The following PDILT variants were observed in gnomAD, a reference collection of about 807,000 sequenced individuals.
The protein encoded by PDILT is protein disulfide isomerase like, testis expressed.
PDILT carries 43 observed loss-of-function variants against 53.7 expected under a neutral mutation model. The ratio of observed to expected loss-of-function variants is 0.80; its 90% CI spans 0.63 to 1.03. PDILT has a LOEUF of 1.03. Among genes scored for constraint, PDILT ranks in the 50% least tolerant of loss-of-function variants. PDILT has a pLI of 0.00. For synonymous variants in PDILT, 282 were observed against 274.2 expected, an observed-to-expected ratio of 1.03 and a Z score of -0.28; for missense variants, 727 against 712.3, an observed-to-expected ratio of 1.02 and a Z score of -0.24.
chr16:20,395,397 C>CT (rs1187768160), intron 2 of PDILT, among the ~76,000 whole-genome samples: 1 of 152,134 alleles, frequency 6.6e-6, no homozygotes. Flanking sequence ...TTGCCCATCC[C>CT]TTTTTATTTC....
In PDILT at chr16:20,390,417, C is replaced by A. The variant is rs372532686; in HGVS notation, c.203-5566G>T. The stretch of plus-strand genomic sequence containing the variant: ...AAATCTGCATGGATCACTGCCTCAC[C>A]ACCTTAAGATCTTTGCTAAAGTGTT... On this transcript the variant is annotated intron_variant, in intron 2 of 11. Transcript: ENST00000302451. Among the ~76,000 whole-genome samples, 10 of 152,276 alleles carry A rather than the reference C, an allele frequency of 6.6e-5. No homozygotes were observed. In the East Asian group the frequency reaches 1.2e-3, roughly 18 times the overall value.
chr16:20,399,153 G>A lies in PDILT; in HGVS notation c.148C>T (p.Pro50Ser), dbSNP rs755465321. 3 of 1,614,194 alleles carry A rather than the reference G, an allele frequency of 1.9e-6. No homozygotes were observed. Among genetic ancestry groups the A allele is most frequent in the Admixed American group, 1.7e-5 (1 of 60,026 alleles). The change falls in exon 2 of 12, where the codon CCC becomes TCC. Residue 50 changes from proline (P) to serine (S), a missense_variant. Transcript: ENST00000302451. Reference protein sequence around the residue: ...LEERSLLVLTPAGLTQMLNQT... With the variant: ...LEERSLLVLTSAGLTQMLNQT... ...TTCAGCATCTGGGTCAGGCCAGCGG[G>A]CGTTAGCACTAGGAGACTGCGTTCC... is the stretch of plus-strand genomic sequence containing the variant.
intron 2 of PDILT, among the ~76,000 whole-genome samples, chr16:20,391,646 C>T (rs1322530197): frequency 2.0e-5 from 3 of 152,052 alleles, no homozygotes; most frequent in Non-Finnish European, 4.4e-5. Context: ...GGAAGCCTAC[C>T]ATGCTCCAAG....
chr16:20,397,210 G>A (rs534016314), intron 2 of PDILT, among the ~76,000 whole-genome samples: 1 of 152,002 alleles, frequency 6.6e-6, no homozygotes, highest in African/African-American at 2.4e-5. Flanking sequence ...ATCACGGGTC[G>A]CTGCAGTCTT....
chr16:20,391,373 T>G (rs1182950739), intron 2 of PDILT, among the ~76,000 whole-genome samples: 1 of 152,086 alleles, frequency 6.6e-6, no homozygotes, highest in Non-Finnish European at 1.5e-5. Flanking sequence ...CATCATCATC[T>G]TCATCATTAT....
chr16:20,360,724 C>A, intron 10 of PDILT, 67 bp from the exon 11 acceptor site: 1 of 1,197,768 alleles, frequency 8.3e-7, no homozygotes, highest in East Asian at 2.3e-5. Context: ...AGGATTGCTA[C>A]CTAGGTAAAC....
At chr16:20,395,639 G>C (rs1049046862) in intron 2 of PDILT, among the ~76,000 whole-genome samples, 8 of 152,204 alleles carry the variant, frequency 5.3e-5, no homozygotes, top group Non-Finnish European at 1.2e-4. Flanking sequence ...TAAATGTCAT[G>C]TTGAAATTTG....
intron 2 of PDILT, among the ~76,000 whole-genome samples, chr16:20,390,001 C>T (rs1289159288): frequency 6.6e-6 from 1 of 152,062 alleles, no homozygotes; most frequent in East Asian, 1.9e-4. Flanking sequence ...CAGGACAGCC[C>T]CCAGCCCCAC....
intron 3 of PDILT, among the ~76,000 whole-genome samples, chr16:20,378,346 T>G (rs1159792698): frequency 6.6e-6 from 1 of 152,146 alleles, no homozygotes; most frequent in Non-Finnish European, 1.5e-5. Context: ...CAGCCTCTAC[T>G]CCCCTCAATC....
intron 9 of PDILT, among the ~76,000 whole-genome samples, chr16:20,362,974 AG>A (rs1302806830): frequency 7.0e-6 from 1 of 143,122 alleles, no homozygotes; most frequent in Non-Finnish European, 1.5e-5. Flanking sequence ...CGGTAGGCTG[AG>A]GTAGGAGAAT....
chr16:20,384,448 C>T (rs370211376), intron 3 of PDILT, among the ~76,000 whole-genome samples, 197 bp downstream of exon 3: 2 of 152,250 alleles, frequency 1.3e-5, no homozygotes, highest in African/African-American at 2.4e-5. Context: ...TGACCTTCTA[C>T]CCCTTACCCC....
At chr16:20,369,772 T>G in intron 7 of PDILT, 83 bp from the exon 8 acceptor site, 3 of 1,381,260 alleles carry the variant, frequency 2.2e-6, no homozygotes, top group Non-Finnish European at 3.1e-6. Flanking sequence ...ACTAAGGGGA[T>G]GCACATGGTG....
chr16:20,365,571 C>A (rs771388093), intron 8 of PDILT, 31 bp from the exon 9 acceptor site: 1 of 1,610,320 alleles, frequency 6.2e-7, no homozygotes, highest in Non-Finnish European at 8.5e-7. Context: ...GCCTAAGAGT[C>A]TTCATAAAGG....
chr16:20,367,579 G>A (rs576269830), intron 8 of PDILT, among the ~76,000 whole-genome samples: 5 of 152,120 alleles, frequency 3.3e-5, no homozygotes, highest in Admixed American at 6.5e-5. Context: ...CGAGGGAGAC[G>A]GACACCACCT....
intron 3 of PDILT, among the ~76,000 whole-genome samples, chr16:20,381,634 CAAAAAA>C (rs1034720000): frequency 1.7e-5 from 1 of 58,592 alleles, no homozygotes; most frequent in East Asian, 6.1e-4. Flanking sequence ...GACTCCATCT[CAAAAAA>C]AAAAAAAAAA....
intron 5 of PDILT, among the ~76,000 whole-genome samples, chr16:20,373,903 A>T (rs77484914): frequency 0.019 from 2,953 of 152,156 alleles, 96 homozygotes; most frequent in African/African-American, 0.069. Context: ...TAAGCTCTTC[A>T]ATTTAACTTG....
intron 3 of PDILT, 101 bp from the exon 4 acceptor site, chr16:20,376,302 T>A: frequency 7.0e-7 from 1 of 1,434,300 alleles, no homozygotes; most frequent in Non-Finnish European, 9.4e-7. Context: ...CCTTCTTGTC[T>A]CAGGCTCCCA....
chr16:20,395,449 T>A (rs537302244), intron 2 of PDILT, among the ~76,000 whole-genome samples: 2 of 152,332 alleles, frequency 1.3e-5, no homozygotes, highest in East Asian at 3.9e-4. Context: ...ATAGCAGCCA[T>A]CTTGTGACCA....
chr16:20,362,776 G>T (rs1333055724), intron 9 of PDILT, among the ~76,000 whole-genome samples, 194 bp from the exon 10 acceptor site: 1 of 151,552 alleles, frequency 6.6e-6, no homozygotes, highest in Non-Finnish European at 1.5e-5. Context: ...CGATAAATTA[G>T]AAAAAAAATA....
Sources: gnomAD v4.1 joint callset for allele counts (sites outside exome capture counted in the v4.1 genomes callset) on GRCh38, gnomAD v4.1.1 for gene constraint, MANE v1.5 for transcripts, NCBI Gene and HGNC (gene_info 2026-07-23, HGNC 2026-07-21) for gene names.